Variants in TSNARE1 observed in about 807,000 individuals in gnomAD.
TSNARE1 encodes t-SNARE domain containing 1.
In TSNARE1, 49 loss-of-function variants were observed where a neutral mutation model predicts 62.0. The ratio of observed to expected loss-of-function variants is 0.79; its 90% CI spans 0.63 to 1.00. The LOEUF is 1.00. TSNARE1 is among the 50% of genes least tolerant of loss of function. TSNARE1 has a pLI of 0.00. For missense variants in TSNARE1, 755 were observed against 700.1 expected (o/e 1.08, Z -0.88); for synonymous variants, 328 against 294.4 (o/e 1.11, Z -1.17).
At chr8:142,311,659 G>A (rs1827645871) in intron 9 of TSNARE1, among the ~76,000 whole-genome samples, 1 of 152,114 alleles carries the variant, frequency 6.6e-6, no homozygotes, top group Non-Finnish European at 1.5e-5. Context: ...GTGACTTGAA[G>A]TATTTGGACA....
Position 142,276,365 on chromosome 8 carries a change from G to A in TSNARE1, c.1364-1502C>T, listed in dbSNP as rs567138975. 11 of 985,468 alleles carry A rather than the reference G, an allele frequency of 1.1e-5. No homozygotes were observed. In the East Asian group the frequency reaches 5.7e-4, roughly 51 times the overall value. 61.0% of individuals were successfully genotyped at this position (985,468 alleles called of 1,614,324 possible). On this transcript the variant is annotated intron_variant, in intron 11 of 13. Transcript: ENST00000524325. ...AGGAAGATGGGGCCAGAGGTGTGAC[G>A]GATCCCCCCACAATTGCCACTCAGG...
chr8:142,281,870 C>CCA (rs1423529364), intron 11 of TSNARE1, among the ~76,000 whole-genome samples: 1 of 152,138 alleles, frequency 6.6e-6, no homozygotes, highest in Non-Finnish European at 1.5e-5. Context: ...TGGCTCCAAG[C>CCA]TCAGCCCCTT....
intron 4 of TSNARE1, among the ~76,000 whole-genome samples, chr8:142,341,249 C>T (rs919667333): frequency 6.6e-6 from 1 of 152,182 alleles, no homozygotes; most frequent in Admixed American, 6.5e-5. Flanking sequence ...CAAGTGCCCC[C>T]TTCCCAGCCT....
At chr8:142,295,750 C>T (rs1824573690) in intron 10 of TSNARE1, among the ~76,000 whole-genome samples, 1 of 152,006 alleles carries the variant, frequency 6.6e-6, no homozygotes, top group Non-Finnish European at 1.5e-5. Context: ...GTGCTTCCAG[C>T]TGGGCCGTCC....
chr8:142,343,894 G>A, intron 4 of TSNARE1, 72 bp downstream of exon 4: 7 of 1,399,160 alleles, frequency 5.0e-6, no homozygotes, highest in Non-Finnish European at 6.6e-6. Flanking sequence ...AGGGCAACAT[G>A]GCCAAGATGG....
intron 13 of TSNARE1, among the ~76,000 whole-genome samples, chr8:142,213,294 G>C (rs753022517): frequency 1.1e-4 from 14 of 128,694 alleles, no homozygotes; most frequent in Non-Finnish European, 2.1e-4. Context: ...TGCGGACTCC[G>C]GGGCTGGGGA....
At chr8:142,254,623 C>A (rs1224702864) in intron 12 of TSNARE1, among the ~76,000 whole-genome samples, 1 of 152,194 alleles carries the variant, frequency 6.6e-6, no homozygotes, top group Admixed American at 6.5e-5. Context: ...CTTCCTCCCC[C>A]ACCATGCTGG....
intron 11 of TSNARE1, chr8:142,279,761 C>T (rs1032560624): frequency 8.8e-6 from 5 of 568,466 alleles, no homozygotes; most frequent in Non-Finnish European, 1.1e-5. Flanking sequence ...GGGTCTCCCT[C>T]TTGGGAGCTG....
chr8:142,304,972 C>T (rs1430268372), intron 9 of TSNARE1, among the ~76,000 whole-genome samples: 2 of 152,168 alleles, frequency 1.3e-5, no homozygotes, highest in African/African-American at 2.4e-5. Flanking sequence ...CCCAGGTAAA[C>T]ATAACAAACT....
At chr8:142,314,951 A>C in intron 8 of TSNARE1, 52 bp downstream of exon 8, 1 of 1,581,890 alleles carries the variant, frequency 6.3e-7, no homozygotes, top group Non-Finnish European at 8.7e-7. Flanking sequence ...CCGGGAACCG[A>C]GGCCGACCCC....
intron 1 of TSNARE1, among the ~76,000 whole-genome samples, chr8:142,396,004 CTT>C: frequency 6.6e-6 from 1 of 151,658 alleles, no homozygotes; most frequent in South Asian, 2.1e-4. Context: ...CTGTGGCTCT[CTT>C]TGTCCGTGGC....
At chr8:142,359,789 G>A (rs1288721237) in intron 1 of TSNARE1, among the ~76,000 whole-genome samples, 1 of 152,202 alleles carries the variant, frequency 6.6e-6, no homozygotes, top group Non-Finnish European at 1.5e-5. Flanking sequence ...TAAGGCCCGG[G>A]GTCAGCCAGC....
intron 12 of TSNARE1, chr8:142,270,412 T>C (rs1819418740): frequency 2.0e-6 from 2 of 985,116 alleles, no homozygotes; most frequent in Non-Finnish European, 2.4e-6. Flanking sequence ...AAAAAAATAC[T>C]TTTTGCAAGA....
intron 11 of TSNARE1, among the ~76,000 whole-genome samples, chr8:142,283,636 G>A (rs1461786993): frequency 6.8e-6 from 1 of 146,510 alleles, no homozygotes; most frequent in East Asian, 2.1e-4. Context: ...CAGTGTCAAT[G>A]AACAGAGGCA....
intron 11 of TSNARE1, chr8:142,277,608 G>A: frequency 1.0e-6 from 1 of 985,412 alleles, no homozygotes; most frequent in African/African-American, 1.7e-5. Context: ...GAGGAAGTCT[G>A]GCCCTGTCCT....
intron 12 of TSNARE1, among the ~76,000 whole-genome samples, chr8:142,246,956 A>T (rs1385526642): frequency 1.3e-5 from 2 of 152,204 alleles, no homozygotes; most frequent in African/African-American, 2.4e-5. Context: ...GTCATTCCTT[A>T]GTCTCTCCAA....
chr8:142,334,562 T>C (rs1296393646), intron 4 of TSNARE1, among the ~76,000 whole-genome samples: 1 of 152,108 alleles, frequency 6.6e-6, no homozygotes, highest in Non-Finnish European at 1.5e-5. Context: ...AGTACCCAAA[T>C]TTTATGAAAC....
intron 11 of TSNARE1, chr8:142,276,494 C>T (rs992907020): frequency 3.9e-5 from 38 of 985,346 alleles, no homozygotes; most frequent in South Asian, 4.7e-5. Context: ...AGCCTGGCCT[C>T]GCTTCTGTTG....
chr8:142,318,545 G>T lies in TSNARE1; in HGVS notation c.983C>A (p.Pro328Gln). The T allele has an allele frequency of 6.2e-7, 1 of 1,612,428 alleles. No homozygotes were observed. The change falls in exon 7 of 14, where the codon CCG becomes CAG. Residue 328 changes from proline (P) to glutamine (Q), a missense_variant and splice_region_variant. Coordinates refer to ENST00000524325, the MANE Select transcript of TSNARE1 (RefSeq NM_145003.5). ...CAGCCCCAGACCCCAGGAACATACC[G>T]GGCAGGAGCTGCGCAGCAGCTCGGC... Reference protein sequence around the residue: ...QMAELLRSSCPQERLQQERPQ... With the variant: ...QMAELLRSSCQQERLQQERPQ...
Sources: gnomAD v4.1 joint callset for allele counts (sites outside exome capture counted in the v4.1 genomes callset) on GRCh38, gnomAD v4.1.1 for gene constraint, MANE v1.5 for transcripts, NCBI Gene and HGNC (gene_info 2026-07-23, HGNC 2026-07-21) for gene names.